Variants in OSTF1 observed in about 807,000 individuals in gnomAD.
OSTF1 encodes the protein osteoclast stimulating factor 1.
Under a neutral mutation model 37.2 loss-of-function variants are expected in OSTF1, and 27 were observed. That is an observed-to-expected ratio of 0.73 (90% confidence interval 0.54 to 1.00). The LOEUF (loss-of-function observed/expected upper bound fraction) is 1.00, where lower values mean the gene tolerates loss of function less well. OSTF1 is among the 50% of genes least tolerant of loss of function. OSTF1 has a pLI of 0.00. For missense variants in OSTF1, 232 were observed against 253.8 expected, an observed-to-expected ratio of 0.91 and a Z score of 0.58; for synonymous variants, 82 against 89.2, an observed-to-expected ratio of 0.92 and a Z score of 0.46.
intron 1 of OSTF1, among the ~76,000 whole-genome samples, chr9:75,095,697 G>T (rs1197349481): frequency 6.6e-6 from 1 of 152,172 alleles, no homozygotes; most frequent in Non-Finnish European, 1.5e-5. Flanking sequence ...TTTACCCAGT[G>T]TAACAGTTTG....
At chr9:75,092,764 A>G (rs1824998453) in intron 1 of OSTF1, among the ~76,000 whole-genome samples, 1 of 152,154 alleles carries the variant, frequency 6.6e-6, no homozygotes, top group African/African-American at 2.4e-5. Flanking sequence ...ACAGCGTCTC[A>G]GCTTCCGTTT....
intron 1 of OSTF1, among the ~76,000 whole-genome samples, chr9:75,093,842 G>C (rs1469429926): frequency 6.6e-6 from 1 of 152,154 alleles, no homozygotes; most frequent in African/African-American, 2.4e-5. Context: ...GCAGAATAAA[G>C]CCTGAGAAAC....
At chr9:75,139,995 C>T (rs1399403235) in intron 8 of OSTF1, among the ~76,000 whole-genome samples, 1 of 152,166 alleles carries the variant, frequency 6.6e-6, no homozygotes, top group Non-Finnish European at 1.5e-5. Context: ...CCCGTCAATA[C>T]AGGAGTAATT....
At chr9:75,103,036 C>T (rs1825221131) in intron 1 of OSTF1, among the ~76,000 whole-genome samples, 1 of 152,320 alleles carries the variant, frequency 6.6e-6, no homozygotes, top group African/African-American at 2.4e-5. Context: ...CTTATAATCC[C>T]AGCACTTTGG....
At chr9:75,127,224 T>C (rs1240933099) in intron 2 of OSTF1, among the ~76,000 whole-genome samples, 2 of 152,214 alleles carry the variant, frequency 1.3e-5, no homozygotes, top group African/African-American at 4.8e-5. Context: ...TAGACATTTA[T>C]ATTTTTATGA....
intron 1 of OSTF1, 43 bp downstream of exon 1, chr9:75,088,769 C>A (rs751327095): frequency 5.1e-6 from 8 of 1,572,120 alleles, no homozygotes; most frequent in Non-Finnish European, 6.9e-6. Flanking sequence ...CTGCGACCGC[C>A]GCGGTGCCGG....
chr9:75,134,006 A>G (rs1825806171), intron 6 of OSTF1, among the ~76,000 whole-genome samples: 2 of 152,236 alleles, frequency 1.3e-5, no homozygotes, highest in Non-Finnish European at 2.9e-5. Context: ...TAGCAGTGCC[A>G]AAGGAAAATT....
At chr9:75,129,937 C>G (rs1051109498) in intron 3 of OSTF1, among the ~76,000 whole-genome samples, 1 of 151,970 alleles carries the variant, frequency 6.6e-6, no homozygotes, top group African/African-American at 2.4e-5. Flanking sequence ...ATTATAATTG[C>G]CTTTCAAAAA....
At chr9:75,103,984 T>G (rs1403712524) in intron 1 of OSTF1, among the ~76,000 whole-genome samples, 1 of 152,156 alleles carries the variant, frequency 6.6e-6, no homozygotes, top group Non-Finnish European at 1.5e-5. Context: ...ATCCCACACT[T>G]TGGGAGGCCA....
In OSTF1 at chr9:75,093,064, CT is replaced by C. The variant is rs1043919048; in HGVS notation, c.34+4351del. On this transcript the variant is annotated intron_variant, in intron 1 of 9. Transcript: ENST00000346234. ...TTTCTCTCTCTCTCTTTCTTTCTTTCTTTTTTTTTTTTTGGAGATGGGATTT... is the reference window on the plus strand; with the variant it reads ...TTTCTCTCTCTCTCTTTCTTTCTTTCTTTTTTTTTTTTGGAGATGGGATTT... Among the ~76,000 whole-genome samples the C allele has an allele frequency of 1.2e-3, 131 of 112,826 alleles. 1 individual carries two copies. In the East Asian group the frequency reaches 0.018, roughly 15 times the overall value. 74.0% of individuals were successfully genotyped at this position (112,826 alleles called of 152,430 possible).
Position 75,146,398 on chromosome 9 carries a change from T to C in OSTF1, c.587-285T>C, listed in dbSNP as rs1032918730. Among the ~76,000 whole-genome samples the C allele has an allele frequency of 2.0e-5, 3 of 152,238 alleles. No individual in the cohort carries two copies. In the East Asian group the frequency reaches 5.8e-4, roughly 29 times the overall value. On this transcript the variant is annotated intron_variant, in intron 9 of 9. Transcript: ENST00000346234. ...GTGGAGTGCTGCTGGTGGTGTATCA[T>C]GTTGGTCATGGTGCCTGTGGCTAGG...
chr9:75,099,687 G>A (rs1207884750), intron 1 of OSTF1, among the ~76,000 whole-genome samples: 2 of 152,180 alleles, frequency 1.3e-5, no homozygotes, highest in Admixed American at 1.3e-4. Context: ...AAATTAGCCG[G>A]GTGTGGTGAT....
intron 1 of OSTF1, among the ~76,000 whole-genome samples, chr9:75,093,060 C>CTTTTTTTTTTT (rs1433476660): frequency 7.4e-6 from 1 of 134,950 alleles, no homozygotes; most frequent in African/African-American, 3.1e-5. Context: ...CTCTTTCTTT[C>CTTTTTTTTTTT]TTTCTTTTTT....
At chr9:75,092,285 A>G (rs1417447395) in intron 1 of OSTF1, among the ~76,000 whole-genome samples, 1 of 152,188 alleles carries the variant, frequency 6.6e-6, no homozygotes, top group Non-Finnish European at 1.5e-5. Flanking sequence ...CCATTTTTGT[A>G]CCATCTGGAG....
At chr9:75,091,529 T>A (rs1824975751) in intron 1 of OSTF1, among the ~76,000 whole-genome samples, 1 of 152,226 alleles carries the variant, frequency 6.6e-6, no homozygotes. Context: ...AGCCCCTGGT[T>A]GACAGCAAGG....
intron 1 of OSTF1, among the ~76,000 whole-genome samples, chr9:75,109,544 A>G (rs1164965100): frequency 6.6e-6 from 1 of 152,186 alleles, no homozygotes; most frequent in Non-Finnish European, 1.5e-5. Context: ...TGACCCATTT[A>G]ATTTTCTTAA....
intron 7 of OSTF1, among the ~76,000 whole-genome samples, chr9:75,136,423 C>T (rs147291752): frequency 1.7e-3 from 265 of 152,160 alleles, no homozygotes; most frequent in African/African-American, 6.2e-3. Context: ...GATGGAGTCT[C>T]GCTCTGTTGT....
chr9:75,111,811 C>CTTTTT lies in OSTF1; in HGVS notation c.35-5667_35-5663dup, dbSNP rs535464490. On this transcript the variant is annotated intron_variant, in intron 1 of 9. Transcript: ENST00000346234. ...TGGTGATCTATTAAGATGTTTACTG[C>CTTTTT]TTTTTTTTTTTTTTTTTTTTTTTTT... Among the ~76,000 whole-genome samples, 101 of 52,160 alleles carry CTTTTT rather than the reference C, an allele frequency of 1.9e-3. 10 individuals are homozygous for CTTTTT. Among genetic ancestry groups the CTTTTT allele is most frequent in the Admixed American group, 5.0e-3 (15 of 2,996 alleles). 34.2% of individuals were successfully genotyped at this position (52,160 alleles called of 152,430 possible). A position where few individuals can be genotyped will look rare whatever the true frequency, so the allele number is the denominator to read the frequency against.
chr9:75,097,752 C>G (rs1825112796), intron 1 of OSTF1, among the ~76,000 whole-genome samples: 3 of 129,222 alleles, frequency 2.3e-5, no homozygotes, highest in Admixed American at 2.3e-4. Context: ...CGTGCCGTCC[C>G]CTCTTTTTTT....
Sources: gnomAD v4.1 joint callset for allele counts (sites outside exome capture counted in the v4.1 genomes callset) on GRCh38, gnomAD v4.1.1 for gene constraint, MANE v1.5 for transcripts, NCBI Gene and HGNC (gene_info 2026-07-23, HGNC 2026-07-21) for gene names.